PCDHGB2: variants seen among roughly 807,000 people sequenced by gnomAD.
PCDHGB2 encodes protocadherin gamma subfamily B, 2, also known as protocadherin gamma-B2.
In PCDHGB2, 55 loss-of-function variants were observed where a neutral mutation model predicts 59.3. The ratio of observed to expected loss-of-function variants is 0.93; its 90% CI spans 0.75 to 1.16. PCDHGB2 has a LOEUF of 1.16. Among genes scored for constraint, PCDHGB2 ranks in the 50% most tolerant of loss-of-function variants. The pLI is 0.00. For synonymous variants in PCDHGB2, 516 were observed against 512.0 expected (o/e 1.01, Z -0.11); for missense variants, 1,228 against 1,198.5 (o/e 1.02, Z -0.36).
intron 1 of PCDHGB2, chr5:141,408,083 C>G (rs1045548793): frequency 3.5e-6 from 5 of 1,414,460 alleles, no homozygotes; most frequent in Non-Finnish European, 4.7e-6. Context: ...CCCAGCACAG[C>G]GGATTGCCAG....
At position 141,371,163 on chromosome 5, in the gene PCDHGB2, G is replaced by C. The variant is rs79773129; in HGVS notation, c.2421+8607G>C. 1.0e-4 allele frequency: 165 copies of C among 1,613,984 alleles called. No individual in the cohort carries two copies. In the African/African-American group the frequency reaches 2.0e-3, roughly 19 times the overall value. ...GGTCAATGTTGCAGAGAACCTGCCC[G>C]CTGGCTCCTCCGTATTAAAAGTGAT... On this transcript the variant is annotated intron_variant, in intron 1 of 3. Coordinates refer to ENST00000522605, the MANE Select transcript of PCDHGB2 (RefSeq NM_018923.3).
rs1333951046 is a variant in PCDHGB2, at chr5:141,485,847, C to T, written c.2422-8960C>T. 10 of 1,614,092 alleles carry T rather than the reference C, an allele frequency of 6.2e-6. No individual in the cohort carries two copies. In the African/African-American group the frequency reaches 8.0e-5, roughly 13 times the overall value. On this transcript the variant is annotated intron_variant, in intron 1 of 3. Transcript: ENST00000522605. This position sits in a 1 kb window ranked among gnomAD's most constrained non-coding sequence, Gnocchi z 5.7. ...GGAGGGAACCCGCCGAGATCTGGCA[C>T]CGCAGAGCTCCGGGTATCCGTGCTG...
intron 1 of PCDHGB2, chr5:141,421,230 G>T: frequency 6.3e-7 from 1 of 1,590,132 alleles, no homozygotes. Context: ...AGCCTGCCAT[G>T]GCGAATCGGC....
At chr5:141,506,351 A>G (rs1029519620) in intron 3 of PCDHGB2, among the ~76,000 whole-genome samples, 2 of 150,784 alleles carry the variant, frequency 1.3e-5, no homozygotes, top group African/African-American at 4.9e-5. Context: ...TGGGAGGCTG[A>G]GGCAGGAGAA....
intron 1 of PCDHGB2, chr5:141,414,197 T>C: frequency 3.1e-6 from 5 of 1,611,210 alleles, no homozygotes; most frequent in Non-Finnish European, 4.2e-6. Flanking sequence ...TTGATTACAG[T>C]AGAAGATGTA....
chr5:141,505,711 A>C (rs372711957), intron 3 of PCDHGB2, among the ~76,000 whole-genome samples: 17 of 152,058 alleles, frequency 1.1e-4, no homozygotes, highest in Admixed American at 2.6e-4. Context: ...CAAGGAAAAG[A>C]CTCATGGAGG....
rs547854431 is a variant in PCDHGB2, at chr5:141,476,383, C to A, written c.2422-18424C>A. 1.2e-6 allele frequency: 2 copies of A among 1,614,102 alleles called. No homozygotes were observed. Among genetic ancestry groups the A allele is most frequent in the African/African-American group, 1.3e-5 (1 of 75,014 alleles). On this transcript the variant is annotated intron_variant, in intron 1 of 3. Transcript: ENST00000522605. The surrounding 1 kb of genome is among the most constrained non-coding windows in gnomAD (Gnocchi z 7.6). ...GGGAGACCGGAGAGATGTTTGTGAA[C>A]GACCGTCTGGATCGAGAGGAGCTGT...
At position 141,486,891 on chromosome 5, in the gene PCDHGB2, G is replaced by C. The variant is rs201201426; in HGVS notation, c.2422-7916G>C. On this transcript the variant is annotated intron_variant, in intron 1 of 3. Transcript: ENST00000522605. This position sits in a 1 kb window ranked among gnomAD's most constrained non-coding sequence, Gnocchi z 5.0. ...GTGCTCCGTCCTCGGGCCCGGCCTGGTTCCTTATGTCCCCAAGCACTGCCT... is the reference window on the plus strand; with the variant it reads ...GTGCTCCGTCCTCGGGCCCGGCCTGCTTCCTTATGTCCCCAAGCACTGCCT... 14 of 1,614,118 alleles carry C rather than the reference G, an allele frequency of 8.7e-6. No homozygotes were observed. The highest frequency in any genetic ancestry group is 3.3e-5 in the Admixed American group (2 of 60,008).
intron 1 of PCDHGB2, among the ~76,000 whole-genome samples, chr5:141,381,590 A>G (rs1588902211): frequency 6.6e-6 from 1 of 152,194 alleles, no homozygotes; most frequent in South Asian, 2.1e-4. Context: ...TCCATTATCC[A>G]GTTTCTTATG....
At chr5:141,509,823 TTCTC>T (rs2099878456) in intron 3 of PCDHGB2, among the ~76,000 whole-genome samples, 1 of 152,170 alleles carries the variant, frequency 6.6e-6, no homozygotes, top group Non-Finnish European at 1.5e-5. Flanking sequence ...CTTCTCCATC[TTCTC>T]TCTACCTCCC....
chr5:141,453,317 G>A (rs1218359210), intron 1 of PCDHGB2, among the ~76,000 whole-genome samples: 1 of 151,178 alleles, frequency 6.6e-6, no homozygotes, highest in Non-Finnish European at 1.5e-5. Flanking sequence ...ATTTATTTTA[G>A]AGATGGGGTC....
intron 2 of PCDHGB2, among the ~76,000 whole-genome samples, chr5:141,502,056 C>T (rs1163976282): frequency 1.3e-5 from 2 of 152,116 alleles, no homozygotes; most frequent in Non-Finnish European, 2.9e-5. Flanking sequence ...CTACTTTATT[C>T]CCATTAGCCC....
intron 1 of PCDHGB2, among the ~76,000 whole-genome samples, chr5:141,437,741 CT>C (rs35124340): frequency 3.0e-3 from 425 of 141,590 alleles, no homozygotes; most frequent in African/African-American, 3.7e-3. Context: ...TTGAGTTCAC[CT>C]TTTTTTTTTT....
chr5:141,408,728 C>A lies in PCDHGB2; in HGVS notation c.2421+46172C>A, dbSNP rs371316574. 3.7e-6 allele frequency: 6 copies of A among 1,610,174 alleles called. No individual in the cohort carries two copies. In the African/African-American group the frequency reaches 8.0e-5, roughly 22 times the overall value. ...TAAAGATTATAAGATAAACTCTAATCCTTATTTTTCATTAATGGTTAGAGT... is the reference window on the plus strand; with the variant it reads ...TAAAGATTATAAGATAAACTCTAATACTTATTTTTCATTAATGGTTAGAGT... On this transcript the variant is annotated intron_variant, in intron 1 of 3. Transcript: ENST00000522605.
At chr5:141,375,448 A>G in intron 1 of PCDHGB2, 2 of 1,613,844 alleles carry the variant, frequency 1.2e-6, no homozygotes, top group South Asian at 1.1e-5. Flanking sequence ...TCCCCCATTC[A>G]TCCTACTCAG....
chr5:141,404,021 A>C lies in PCDHGB2; in HGVS notation c.2421+41465A>C, dbSNP rs192150782. 5 of 1,613,894 alleles carry C rather than the reference A, an allele frequency of 3.1e-6. No individual in the cohort carries two copies. The African/African-American group carries it at 4.0e-5, about 13-fold the overall frequency. ...CATTACATCTCTGTTTAGCCCAGTG[A>C]GAGAAGACGCACCTCAGGGAACAGT... On this transcript the variant is annotated intron_variant, in intron 1 of 3. Coordinates refer to ENST00000522605, the MANE Select transcript of PCDHGB2 (RefSeq NM_018923.3).
Position 141,477,898 on chromosome 5 carries a change from A to G in PCDHGB2, c.2422-16909A>G. 1 of 1,614,158 alleles carries G rather than the reference A, an allele frequency of 6.2e-7. No homozygotes were observed. Among genetic ancestry groups the G allele is most frequent in the Middle Eastern group, 1.6e-4 (1 of 6,062 alleles). ...CTGGCCACCTAGTGTCACGGGTGGTAGGCTGGGACGCGGATGCAGGGCACA... is the reference window on the plus strand; with the variant it reads ...CTGGCCACCTAGTGTCACGGGTGGTGGGCTGGGACGCGGATGCAGGGCACA... On this transcript the variant is annotated intron_variant, in intron 1 of 3. Coordinates refer to ENST00000522605, the MANE Select transcript of PCDHGB2 (RefSeq NM_018923.3). This position sits in a 1 kb window ranked among gnomAD's most constrained non-coding sequence, Gnocchi z 4.9.
intron 1 of PCDHGB2, among the ~76,000 whole-genome samples, chr5:141,460,983 GTATATA>G (rs59296681): frequency 0.23 from 32,081 of 137,558 alleles, 4,351 homozygotes; most frequent in African/African-American, 0.39. Context: ...GTGTGTGTGT[GTATATA>G]TATATATGTG....
chr5:141,509,872 G>T (rs968745661), intron 3 of PCDHGB2, among the ~76,000 whole-genome samples: 16 of 152,166 alleles, frequency 1.1e-4, no homozygotes, highest in Non-Finnish European at 1.5e-5. Context: ...CCAAGCTGCT[G>T]GTGGTGATGG....
Sources: allele counts gnomAD v4.1 joint callset (sites outside exome capture counted in the v4.1 genomes callset), GRCh38; gene constraint gnomAD v4.1.1; non-coding constraint Gnocchi (gnomAD v3.1); transcripts MANE v1.5; gene names NCBI Gene and HGNC (gene_info 2026-07-23, HGNC 2026-07-21).